The following ADAMTS12 variants were observed in gnomAD, a reference collection of about 807,000 sequenced individuals.
ADAMTS12 encodes A disintegrin and metalloproteinase with thrombospondin motifs 12.
In ADAMTS12, 118 loss-of-function variants were observed where a neutral mutation model predicts 167.8. The observed-to-expected ratio is 0.70, with a 90% CI of 0.61 to 0.82. ADAMTS12 has a LOEUF of 0.82. Ranked by LOEUF, ADAMTS12 falls within the 40% of genes least tolerant of loss-of-function variation. ADAMTS12 has a pLI of 0.00. For synonymous variants in ADAMTS12, 704 were observed against 716.9 expected, an observed-to-expected ratio of 0.98 and a Z score of 0.29; for missense variants, 1,916 against 1,998.8, an observed-to-expected ratio of 0.96 and a Z score of 0.79.
chr5:33,869,143 C>T (rs534027616), intron 2 of ADAMTS12, among the ~76,000 whole-genome samples: 9 of 152,076 alleles, frequency 5.9e-5, no homozygotes, highest in Non-Finnish European at 1.3e-4. Flanking sequence ...TGGGCCAGGC[C>T]CAGGGCACTA....
At chr5:33,767,722 G>T (rs1271330039) in intron 2 of ADAMTS12, among the ~76,000 whole-genome samples, 1 of 152,000 alleles carries the variant, frequency 6.6e-6, no homozygotes, top group African/African-American at 2.4e-5. Flanking sequence ...GCTAATTAGA[G>T]GTCCCCAGGT....
intron 2 of ADAMTS12, among the ~76,000 whole-genome samples, chr5:33,853,296 TC>T (rs969406915): frequency 1.3e-5 from 2 of 152,206 alleles, no homozygotes; most frequent in African/African-American, 2.4e-5. Flanking sequence ...TCATTGTCTG[TC>T]CCAGCCCTTC....
At chr5:33,733,654 T>G (rs1579886360) in intron 3 of ADAMTS12, among the ~76,000 whole-genome samples, 1 of 152,172 alleles carries the variant, frequency 6.6e-6, no homozygotes, top group Admixed American at 6.5e-5. Context: ...AACATGGCCG[T>G]GCTTTGTGCA....
At chr5:33,888,046 T>C (rs528508251) in intron 1 of ADAMTS12, 1 of 152,168 alleles carries the variant, frequency 6.6e-6, no homozygotes, top group Non-Finnish European at 1.5e-5. Context: ...CGCCGGCCTA[T>C]TCTTTTTTCT....
At chr5:33,845,240 T>C (rs1448711200) in intron 2 of ADAMTS12, among the ~76,000 whole-genome samples, 1 of 152,212 alleles carries the variant, frequency 6.6e-6, no homozygotes, top group Non-Finnish European at 1.5e-5. Flanking sequence ...TGTGCCCAGA[T>C]CTTTGCTTCA....
At chr5:33,840,378 T>A (rs1035163049) in intron 2 of ADAMTS12, 3 of 152,210 alleles carry the variant, frequency 2.0e-5, no homozygotes, top group African/African-American at 7.2e-5. Flanking sequence ...AGTTTCTCCA[T>A]CTCACCCTTT....
At chr5:33,704,728 G>A (rs1361969214) in intron 3 of ADAMTS12, among the ~76,000 whole-genome samples, 1 of 151,994 alleles carries the variant, frequency 6.6e-6, no homozygotes, top group Non-Finnish European at 1.5e-5. Flanking sequence ...ATACATTTTG[G>A]ATTTTAACCA....
At chr5:33,749,099 A>G (rs1246517560) in intron 3 of ADAMTS12, among the ~76,000 whole-genome samples, 3 of 152,176 alleles carry the variant, frequency 2.0e-5, no homozygotes, top group Non-Finnish European at 2.9e-5. Flanking sequence ...AGACACTAAT[A>G]TACTCTAGTT....
chr5:33,599,074 A>T (rs1738056513), intron 16 of ADAMTS12, among the ~76,000 whole-genome samples: 1 of 152,206 alleles, frequency 6.6e-6, no homozygotes, highest in Non-Finnish European at 1.5e-5. Flanking sequence ...ACATGAATAA[A>T]ACAGCATTCA....
Position 33,546,098 on chromosome 5 carries a change from C to T in ADAMTS12, c.4407G>A (p.Glu1469=), listed in dbSNP as rs749500121. The change falls in exon 22 of 24, where the codon GAG becomes GAA. Residue 1469 remains glutamate, a synonymous_variant. Coordinates refer to ENST00000504830, the MANE Select transcript of ADAMTS12 (RefSeq NM_030955.4). ...KRPTSTMSCN[E]HLCCHWATGN... is the part of the protein sequence containing the mutation. The stretch of plus-strand genomic sequence containing the variant: ...CAGTGGCCCAGTGACAGCACAGGTG[C>T]TCATTGCAAGACATGGTGGATGTGG... 6.2e-7 allele frequency: 1 copy of T among 1,613,710 alleles called. No homozygotes were observed. Among genetic ancestry groups the T allele is most frequent in the Non-Finnish European group, 8.5e-7 (1 of 1,179,932 alleles).
At chr5:33,823,396 G>A (rs910211794) in intron 2 of ADAMTS12, among the ~76,000 whole-genome samples, 1 of 152,154 alleles carries the variant, frequency 6.6e-6, no homozygotes, top group Non-Finnish European at 1.5e-5. Context: ...TAACACCCTA[G>A]GCATATCTTT....
At chr5:33,744,806 TTTTC>T (rs1226864454) in intron 3 of ADAMTS12, among the ~76,000 whole-genome samples, 1 of 152,112 alleles carries the variant, frequency 6.6e-6, no homozygotes, top group Non-Finnish European at 1.5e-5. Flanking sequence ...TTGTTTTGGG[TTTTC>T]TTTCTTTCAT....
At chr5:33,865,861 A>G (rs1293221284) in intron 2 of ADAMTS12, among the ~76,000 whole-genome samples, 1 of 152,188 alleles carries the variant, frequency 6.6e-6, no homozygotes, top group Admixed American at 6.5e-5. Context: ...TCCCTTTAAC[A>G]ATCGCTACAA....
At chr5:33,891,376 A>AT in intron 1 of ADAMTS12, 1 of 193,786 alleles carries the variant, frequency 5.2e-6, no homozygotes. Flanking sequence ...TAAAAAAAAA[A>AT]TTTTCCATGT....
At chr5:33,756,628 C>T (rs1176017519) in intron 2 of ADAMTS12, among the ~76,000 whole-genome samples, 2 of 151,936 alleles carry the variant, frequency 1.3e-5, no homozygotes, top group Non-Finnish European at 2.9e-5. Context: ...GCTGTGATGC[C>T]TAAGTGGCCT....
intron 18 of ADAMTS12, among the ~76,000 whole-genome samples, chr5:33,584,814 A>G (rs935435778): frequency 6.6e-6 from 1 of 152,238 alleles, no homozygotes; most frequent in African/African-American, 2.4e-5. Context: ...ACTAGGAGAA[A>G]TAACATGTTG....
intron 3 of ADAMTS12, among the ~76,000 whole-genome samples, chr5:33,687,637 C>G (rs1017307058): frequency 5.3e-5 from 8 of 152,120 alleles, no homozygotes; most frequent in Non-Finnish European, 8.8e-5. Context: ...AGAGAAATAT[C>G]AGTTATATTA....
At chr5:33,762,834 G>C (rs1745404940) in intron 2 of ADAMTS12, among the ~76,000 whole-genome samples, 1 of 152,128 alleles carries the variant, frequency 6.6e-6, no homozygotes, top group African/African-American at 2.4e-5. Flanking sequence ...GATAGCACAG[G>C]GAGAAAAGAG....
chr5:33,613,266 G>T (rs1014010527), intron 16 of ADAMTS12, among the ~76,000 whole-genome samples: 1 of 152,220 alleles, frequency 6.6e-6, no homozygotes, highest in African/African-American at 2.4e-5. Flanking sequence ...AGAGGCTTTT[G>T]CATATGGCAA....
Sources: gnomAD v4.1 joint callset for allele counts (sites outside exome capture counted in the v4.1 genomes callset) on GRCh38, gnomAD v4.1.1 for gene constraint, MANE v1.5 for transcripts, NCBI Gene and HGNC (gene_info 2026-07-23, HGNC 2026-07-21) for gene names.